The following HS6ST3 variants were observed in gnomAD, a reference collection of about 807,000 sequenced individuals.
HS6ST3 encodes the protein heparan-sulfate 6-O-sulfotransferase 3.
Under a neutral mutation model 36.7 loss-of-function variants are expected in HS6ST3, and 12 were observed. That is an observed-to-expected ratio of 0.33 (90% CI 0.21 to 0.53). The LOEUF (loss-of-function observed/expected upper bound fraction) is 0.53, where lower values mean the gene tolerates loss of function less well. Ranked by LOEUF, HS6ST3 falls within the 20% of genes least tolerant of loss-of-function variation. HS6ST3 has a pLI of 0.95. For missense variants in HS6ST3, 584 were observed against 640.9 expected, an observed-to-expected ratio of 0.91 and a Z score of 0.96; for synonymous variants, 240 against 257.5, an observed-to-expected ratio of 0.93 and a Z score of 0.65.
At chr13:96,467,870 T>A (rs887845546) in intron 1 of HS6ST3, among the ~76,000 whole-genome samples, 2 of 152,156 alleles carry the variant, frequency 1.3e-5, no homozygotes, top group Non-Finnish European at 2.9e-5. Context: ...ACCCACTGTT[T>A]ATACCCAGTA....
Position 96,801,316 on chromosome 13 carries a change from A to G in HS6ST3, c.708-31174A>G, listed in dbSNP as rs554786271. 1.5e-4 allele frequency among the ~76,000 whole-genome samples: 23 copies of G among 152,212 alleles called. 1 individual carries two copies. Among genetic ancestry groups the G allele is most frequent in the African/African-American group, 5.3e-4 (22 of 41,534 alleles). The stretch of plus-strand genomic sequence containing the variant: ...CCCTCAGATTTCATGTTCCTAAGAG[A>G]TCAGATAAAAATACTCTTATTTTTG... On this transcript the variant is annotated intron_variant, in intron 1 of 1. Transcript: ENST00000376705.
rs1217969300 is a variant in HS6ST3 at position 96,091,095 on chromosome 13, C to A, written c.233C>A (p.Pro78His). The A allele has an allele frequency of 7.5e-7, 1 of 1,325,622 alleles. No homozygotes were observed. The highest frequency in any genetic ancestry group is 9.6e-7 in the Non-Finnish European group (1 of 1,043,754). 82.1% of individuals were successfully genotyped at this position (1,325,622 alleles called of 1,614,324 possible). ...CAGTTGCCCCCGCCGCCCCGGGGGC[C>A]CCCCGAGGGACCTCGGGGGGCCGCG... Reference protein sequence around the residue: ...RPQLPPPPRGPPEGPRGAAAP... With the variant: ...RPQLPPPPRGHPEGPRGAAAP... Residue 78 changes from proline (P) to histidine (H), a missense_variant, in exon 1 of 2, where the codon CCC becomes CAC. Physicochemically the swap from Pro to His is moderately conservative, Grantham distance 77. Around this residue, in one of 3 missense-constraint regions of HS6ST3, gnomAD observed 217 missense variants for 205.4 expected, o/e 1.06. Transcript: ENST00000376705.
chr13:96,218,288 C>T (rs1215356062), intron 1 of HS6ST3, among the ~76,000 whole-genome samples: 1 of 152,162 alleles, frequency 6.6e-6, no homozygotes, highest in Non-Finnish European at 1.5e-5. Flanking sequence ...TCAGGCCTCA[C>T]TCTCCTCTCT....
chr13:96,532,765 A>G (rs972061806), intron 1 of HS6ST3, among the ~76,000 whole-genome samples: 1 of 152,194 alleles, frequency 6.6e-6, no homozygotes, highest in Admixed American at 6.5e-5. Flanking sequence ...TACTGAAAGC[A>G]TGGAGGTCTG....
Position 96,186,065 on chromosome 13 carries a change from C to T in HS6ST3, c.707+94496C>T, listed in dbSNP as rs148111705. ...ATATGCATGCATATGTATGTAAATA[C>T]ATTTATATGCATATATGTGTATATG... On this transcript the variant is annotated intron_variant, in intron 1 of 1. Transcript: ENST00000376705. Among the ~76,000 whole-genome samples, 885 of 152,146 alleles carry T rather than the reference C, an allele frequency of 5.8e-3. 9 individuals carry two copies. Among genetic ancestry groups the T allele is most frequent in the African/African-American group, 0.021 (855 of 41,510 alleles).
intron 1 of HS6ST3, among the ~76,000 whole-genome samples, chr13:96,555,143 A>T (rs754728998): frequency 6.6e-6 from 1 of 152,086 alleles, no homozygotes; most frequent in East Asian, 1.9e-4. Flanking sequence ...GTAAAGTGGG[A>T]TGCTGTATGC....
At chr13:96,758,991 T>C (rs1259509698) in intron 1 of HS6ST3, among the ~76,000 whole-genome samples, 1 of 151,914 alleles carries the variant, frequency 6.6e-6, no homozygotes, top group Non-Finnish European at 1.5e-5. Flanking sequence ...ATATTTTGAA[T>C]CTATATTATC....
chr13:96,658,023 T>C (rs2056631586), intron 1 of HS6ST3, among the ~76,000 whole-genome samples: 1 of 152,140 alleles, frequency 6.6e-6, no homozygotes, highest in Non-Finnish European at 1.5e-5. Context: ...AGTTCTGTTG[T>C]ACCTCTTCCC....
At chr13:96,503,481 A>G (rs550471210) in intron 1 of HS6ST3, among the ~76,000 whole-genome samples, 1 of 152,316 alleles carries the variant, frequency 6.6e-6, no homozygotes, top group East Asian at 1.9e-4. Context: ...CATCAGGGGA[A>G]GGTCATCATG....
intron 1 of HS6ST3, among the ~76,000 whole-genome samples, chr13:96,309,130 G>A (rs2147687): frequency 0.5 from 75,317 of 151,960 alleles, 19,473 homozygotes; most frequent in African/African-American, 0.64. Flanking sequence ...GTTATAGGTT[G>A]TGTACCGGGA....
chr13:96,748,325 G>A (rs1474193233), intron 1 of HS6ST3, among the ~76,000 whole-genome samples: 8 of 152,062 alleles, frequency 5.3e-5, no homozygotes, highest in Non-Finnish European at 1.0e-4. Context: ...GCTTAGGTCA[G>A]GCTTGTCTAC....
chr13:96,830,076 G>T (rs562452100), intron 1 of HS6ST3, among the ~76,000 whole-genome samples: 38 of 151,608 alleles, frequency 2.5e-4, no homozygotes, highest in Non-Finnish European at 5.3e-4. Context: ...TTTTCATTAA[G>T]ATATTTAATA....
chr13:96,568,807 A>T (rs567264155), intron 1 of HS6ST3, among the ~76,000 whole-genome samples: 134 of 152,344 alleles, frequency 8.8e-4, no homozygotes, highest in Admixed American at 2.2e-3. Context: ...GACATCTCAA[A>T]TAACACTTGG....
intron 1 of HS6ST3, among the ~76,000 whole-genome samples, chr13:96,777,499 T>C (rs1466237146): frequency 2.6e-5 from 4 of 152,186 alleles, no homozygotes; most frequent in African/African-American, 7.2e-5. Context: ...ACAAAATCAA[T>C]GTACAAAAAT....
chr13:96,273,188 C>A (rs1231955437), intron 1 of HS6ST3, among the ~76,000 whole-genome samples: 1 of 151,912 alleles, frequency 6.6e-6, no homozygotes, highest in African/African-American at 2.4e-5. Context: ...TCTTGGCCTT[C>A]TGGGTAGGAT....
chr13:96,570,199 C>A (rs1332107726), intron 1 of HS6ST3, among the ~76,000 whole-genome samples: 2 of 152,078 alleles, frequency 1.3e-5, no homozygotes, highest in Non-Finnish European at 2.9e-5. Context: ...AATGCACAAC[C>A]TATGATACTT....
At chr13:96,265,319 C>A (rs2139385327) in intron 1 of HS6ST3, among the ~76,000 whole-genome samples, 1 of 152,078 alleles carries the variant, frequency 6.6e-6, no homozygotes, top group African/African-American at 2.4e-5. Flanking sequence ...GGACTACAGG[C>A]ACGTAACACC....
intron 1 of HS6ST3, among the ~76,000 whole-genome samples, chr13:96,103,035 T>A (rs559309814): frequency 1.3e-5 from 2 of 152,310 alleles, no homozygotes; most frequent in Non-Finnish European, 2.9e-5. Context: ...AAATTAATTT[T>A]AAAAATCCAT....
chr13:96,715,668 A>G (rs561020551), intron 1 of HS6ST3, among the ~76,000 whole-genome samples: 4 of 152,258 alleles, frequency 2.6e-5, no homozygotes, highest in African/African-American at 9.6e-5. Flanking sequence ...GTTAAGCTGA[A>G]TATTCCACTA....
Sources: allele counts gnomAD v4.1 joint callset (sites outside exome capture counted in the v4.1 genomes callset), GRCh38; gene constraint gnomAD v4.1.1; regional missense constraint gnomAD v4.1.1; transcripts MANE v1.5; gene names NCBI Gene and HGNC (gene_info 2026-07-23, HGNC 2026-07-21).